The following FAT3 variants were observed in gnomAD, a reference collection of about 807,000 sequenced individuals.
FAT3 encodes the protein FAT atypical cadherin 3.
FAT3 carries 95 observed loss-of-function variants against 310.2 expected under a neutral mutation model. The observed-to-expected ratio is 0.31, with a 90% CI of 0.26 to 0.36. The LOEUF (loss-of-function observed/expected upper bound fraction) is 0.36. Among genes scored for constraint, FAT3 ranks in the 10% least tolerant of loss-of-function variants. FAT3 has a pLI of 1.00. For missense variants in FAT3, 5,408 were observed against 5,715.6 expected, an observed-to-expected ratio of 0.95 and a Z score of 1.74; for synonymous variants, 2,314 against 2,192.9, an observed-to-expected ratio of 1.06 and a Z score of -1.54.
chr11:92,376,837 A>G (rs1463814444), intron 2 of FAT3, among the ~76,000 whole-genome samples: 1 of 152,204 alleles, frequency 6.6e-6, no homozygotes, highest in African/African-American at 2.4e-5. Context: ...AAATAATTGT[A>G]CTGAGAAATG....
At chr11:92,643,682 T>C (rs1942043835) in intron 3 of FAT3, among the ~76,000 whole-genome samples, 2 of 152,236 alleles carry the variant, frequency 1.3e-5, no homozygotes, top group South Asian at 4.1e-4. Flanking sequence ...CCTGGCATTA[T>C]GAATTCCCCA....
At chr11:92,578,069 C>T (rs751363315) in intron 3 of FAT3, among the ~76,000 whole-genome samples, 21 of 152,102 alleles carry the variant, frequency 1.4e-4, no homozygotes, top group African/African-American at 4.1e-4. Flanking sequence ...CACAGTATGA[C>T]GGGACTCATA....
intron 4 of FAT3, among the ~76,000 whole-genome samples, chr11:92,727,426 C>A (rs904112059): frequency 2.7e-5 from 4 of 146,688 alleles, no homozygotes; most frequent in African/African-American, 7.6e-5. Flanking sequence ...AATTATTTAG[C>A]TAGAATTTTA....
chr11:92,788,375 G>A (rs936763990), intron 7 of FAT3, among the ~76,000 whole-genome samples: 30 of 152,074 alleles, frequency 2.0e-4, no homozygotes, highest in African/African-American at 6.5e-4. Context: ...ACTTTGGGAG[G>A]AGCTAAGGAA....
chr11:92,551,414 T>TTGTTTTGTGTGTGTGTGTGTGTGTGTG lies in FAT3; in HGVS notation c.3607+26469_3607+26470insTTTGTGTGTGTGTGTGTGTGTGTGTGT, dbSNP rs35238743. Among the ~76,000 whole-genome samples, 625 of 128,942 alleles carry TTGTTTTGTGTGTGTGTGTGTGTGTGTG rather than the reference T, an allele frequency of 4.8e-3. 5 individuals are homozygous for TTGTTTTGTGTGTGTGTGTGTGTGTGTG. Among genetic ancestry groups the TTGTTTTGTGTGTGTGTGTGTGTGTGTG allele is most frequent in the African/African-American group, 0.016 (541 of 34,652 alleles). The allele number at this position is 128,942 out of a possible 152,430, so 84.6% of individuals were successfully genotyped here. On this transcript the variant is annotated intron_variant, in intron 3 of 27. Transcript: ENST00000525166. Reference sequence around the variant, plus strand: ...ATCTTGGTCCCATGTTTTTTTTGTTTTGTGTGTGTGTGTGTGTGTGTGTGT... The same window carrying TTGTTTTGTGTGTGTGTGTGTGTGTGTG: ...ATCTTGGTCCCATGTTTTTTTTGTTTTGTTTTGTGTGTGTGTGTGTGTGTGTGTGTGTGTGTGTGTGTGTGTGTGTGT...
At chr11:92,640,578 A>G (rs145071667) in intron 3 of FAT3, among the ~76,000 whole-genome samples, 2 of 152,348 alleles carry the variant, frequency 1.3e-5, no homozygotes, top group Non-Finnish European at 2.9e-5. Flanking sequence ...ACACAGAGTC[A>G]TAAAATAGTT....
chr11:92,880,699 T>A (rs1439785272), intron 22 of FAT3, 32 bp from the exon 23 acceptor site: 1 of 1,602,620 alleles, frequency 6.2e-7, no homozygotes, highest in Non-Finnish European at 8.5e-7. Flanking sequence ...AGCAGTGGCA[T>A]CCATGGCTCA....
intron 8 of FAT3, among the ~76,000 whole-genome samples, chr11:92,791,327 T>G (rs1171997944): frequency 6.6e-6 from 1 of 152,194 alleles, no homozygotes; most frequent in Non-Finnish European, 1.5e-5. Context: ...GGAACTGACC[T>G]AGATTTCAAC....
At chr11:92,315,504 TATATATATAGAGAGAGAGAGAG>T (rs1947426114) in intron 1 of FAT3, among the ~76,000 whole-genome samples, 1 of 90,986 alleles carries the variant, frequency 1.1e-5, no homozygotes, top group African/African-American at 4.3e-5. Context: ...TATATATATA[TATATATATAGAGAGAGAGAGAG>T]AGAGAGAGAG....
At chr11:92,483,652 C>G (rs570292841) in intron 2 of FAT3, among the ~76,000 whole-genome samples, 2 of 152,168 alleles carry the variant, frequency 1.3e-5, no homozygotes, top group Non-Finnish European at 2.9e-5. Flanking sequence ...GTTTATTAAA[C>G]ACCTCTTCTA....
intron 15 of FAT3, among the ~76,000 whole-genome samples, chr11:92,836,131 G>A (rs1046673780): frequency 6.6e-6 from 1 of 152,168 alleles, no homozygotes; most frequent in Non-Finnish European, 1.5e-5. Context: ...CAGAGGGGCG[G>A]TATATTTGCT....
At chr11:92,239,985 T>C (rs928235483) in intron 1 of FAT3, among the ~76,000 whole-genome samples, 1 of 152,132 alleles carries the variant, frequency 6.6e-6, no homozygotes, top group African/African-American at 2.4e-5. Context: ...GTGAATAACC[T>C]GAGGTTCTAT....
chr11:92,557,373 C>T (rs1175405948), intron 3 of FAT3, among the ~76,000 whole-genome samples: 1 of 152,132 alleles, frequency 6.6e-6, no homozygotes, highest in Non-Finnish European at 1.5e-5. Context: ...TGTAATAAAG[C>T]AAAGACTTAA....
intron 3 of FAT3, among the ~76,000 whole-genome samples, chr11:92,632,969 A>C (rs1485659715): frequency 1.3e-5 from 2 of 152,202 alleles, no homozygotes; most frequent in Admixed American, 6.5e-5. Context: ...CCTTGTTCTC[A>C]TCACAGTTCT....
intron 3 of FAT3, among the ~76,000 whole-genome samples, chr11:92,585,736 T>G (rs542723212): frequency 6.6e-6 from 1 of 152,142 alleles, no homozygotes; most frequent in Admixed American, 6.6e-5. Context: ...GATTCCAGGT[T>G]CCATGCTCTT....
At chr11:92,776,415 C>T (rs982224412) in intron 7 of FAT3, among the ~76,000 whole-genome samples, 2 of 152,180 alleles carry the variant, frequency 1.3e-5, no homozygotes, top group Non-Finnish European at 2.9e-5. Flanking sequence ...AATCATTTAA[C>T]AGCGTTTGTT....
intron 3 of FAT3, among the ~76,000 whole-genome samples, chr11:92,547,741 GT>G (rs1272541412): frequency 6.6e-6 from 1 of 152,134 alleles, no homozygotes; most frequent in African/African-American, 2.4e-5. Context: ...TCTGCCCTGG[GT>G]AGTATGAGGC....
intron 1 of FAT3, among the ~76,000 whole-genome samples, chr11:92,350,446 G>T (rs953124837): frequency 6.6e-6 from 1 of 151,850 alleles, no homozygotes; most frequent in Non-Finnish European, 1.5e-5. Flanking sequence ...GCAGGGATGG[G>T]TTGTACTTTT....
intron 1 of FAT3, among the ~76,000 whole-genome samples, chr11:92,340,449 A>C (rs1213921423): frequency 6.6e-6 from 1 of 152,220 alleles, no homozygotes; most frequent in African/African-American, 2.4e-5. Context: ...CCACGGCCTT[A>C]ACTGTATTTG....
Sources: allele counts gnomAD v4.1 joint callset (sites outside exome capture counted in the v4.1 genomes callset), GRCh38; gene constraint gnomAD v4.1.1; transcripts MANE v1.5; gene names NCBI Gene and HGNC (gene_info 2026-07-23, HGNC 2026-07-21).